The following SYNPR variants were observed in gnomAD, a reference collection of about 807,000 sequenced individuals.
The protein encoded by SYNPR is synaptoporin.
SYNPR carries 23 observed loss-of-function variants against 32.9 expected under a neutral mutation model. That is an observed-to-expected ratio of 0.70 (90% CI 0.50 to 0.99). SYNPR has a LOEUF of 0.99. SYNPR is among the 50% of genes least tolerant of loss of function. The pLI is 0.00. For synonymous variants in SYNPR, 146 were observed against 135.9 expected (o/e 1.07, Z -0.52); for missense variants, 318 against 349.3 (o/e 0.91, Z 0.71).
chr3:63,356,683 A>G (rs888453865), intron 2 of SYNPR, among the ~76,000 whole-genome samples: 7 of 152,098 alleles, frequency 4.6e-5, no homozygotes, highest in Non-Finnish European at 7.4e-5. Context: ...AAATGGTCAC[A>G]CTCACCTTTC....
upstream of SYNPR, among the ~76,000 whole-genome samples, chr3:63,223,744 A>G (rs1459824065): frequency 6.6e-6 from 1 of 152,170 alleles, no homozygotes; most frequent in Non-Finnish European, 1.5e-5. Flanking sequence ...CCCCTCTTCT[A>G]TATTCCCATA....
chr3:63,251,722 C>T (rs925557200), intron 1 of SYNPR, among the ~76,000 whole-genome samples: 19 of 151,914 alleles, frequency 1.3e-4, no homozygotes, highest in African/African-American at 4.6e-4. Flanking sequence ...AATCAGTGAC[C>T]GAGGACCAGA....
intron 1 of SYNPR, among the ~76,000 whole-genome samples, chr3:63,242,882 G>A (rs781193044): frequency 1.8e-4 from 28 of 151,990 alleles, no homozygotes; most frequent in Non-Finnish European, 3.4e-4. Context: ...GTACAGGTTT[G>A]AAAAATGGGA....
intron 2 of SYNPR, among the ~76,000 whole-genome samples, chr3:63,362,174 G>A (rs2087670567): frequency 6.6e-6 from 1 of 152,208 alleles, no homozygotes; most frequent in Admixed American, 6.5e-5. Context: ...TGCTCACTCT[G>A]TGTCTCTGAA....
chr3:63,274,558 C>CAATGAGAGCT (rs760365287), upstream of SYNPR, among the ~76,000 whole-genome samples: 11 of 152,316 alleles, frequency 7.2e-5, no homozygotes, highest in Middle Eastern at 6.8e-3. Flanking sequence ...GCTGATTTAG[C>CAATGAGAGCT]AAATGTTGAG....
intron 2 of SYNPR, among the ~76,000 whole-genome samples, chr3:63,429,578 A>T (rs1000089670): frequency 6.6e-6 from 1 of 152,232 alleles, no homozygotes; most frequent in African/African-American, 2.4e-5. Flanking sequence ...TTGTTTTAAA[A>T]AAGACTGTAA....
At chr3:63,426,527 G>A (rs549771448) in intron 2 of SYNPR, among the ~76,000 whole-genome samples, 76 of 152,304 alleles carry the variant, frequency 5.0e-4, no homozygotes, top group African/African-American at 1.8e-3. Flanking sequence ...GGGGAGGTAT[G>A]CAGGCACGTA....
intron 2 of SYNPR, among the ~76,000 whole-genome samples, chr3:63,408,178 GAAAGAAAGAAAGAAAGAGGAAGGA>G (rs1384688175): frequency 2.6e-5 from 3 of 113,624 alleles, no homozygotes; most frequent in African/African-American, 1.2e-4. Flanking sequence ...AAGAAAGAAA[GAAAGAAAGAAAGAAAGAGGAAGGA>G]AGGAAGGAAG....
intron 2 of SYNPR, among the ~76,000 whole-genome samples, chr3:63,339,965 T>G (rs12488438): frequency 1.3e-5 from 2 of 152,164 alleles, no homozygotes; most frequent in Admixed American, 1.3e-4. Context: ...CCTACCTTTT[T>G]ATAACCACAC....
chr3:63,404,327 T>G, intron 2 of SYNPR, among the ~76,000 whole-genome samples: 1 of 152,164 alleles, frequency 6.6e-6, no homozygotes. Context: ...GAAATTACAG[T>G]GAATAGAATT....
chr3:63,501,942 T>A (rs1469892725), intron 3 of SYNPR, among the ~76,000 whole-genome samples: 1 of 152,196 alleles, frequency 6.6e-6, no homozygotes, highest in Non-Finnish European at 1.5e-5. Context: ...ACGTGGCTGG[T>A]CTGAATGGAG....
chr3:63,464,031 G>C (rs1320732261), intron 2 of SYNPR, among the ~76,000 whole-genome samples: 5 of 152,028 alleles, frequency 3.3e-5, no homozygotes, highest in Non-Finnish European at 7.4e-5. Context: ...TACCACTAAG[G>C]CACTTTCATA....
Position 63,332,853 on chromosome 3 carries a change from CA to C in SYNPR, c.84+54112del, listed in dbSNP as rs531528739. ...AGAGCATGGTTAATCAATGTTGGCA[CA>C]GTTGACATTTTGGGCTGCCTGGTCC... On this transcript the variant is annotated intron_variant, in intron 2 of 5. Transcript: ENST00000478300. Among the ~76,000 whole-genome samples, 52 of 152,222 alleles carry C rather than the reference CA, an allele frequency of 3.4e-4. No homozygotes were observed. The South Asian group carries it at 0.011, about 32-fold the overall frequency.
intron 2 of SYNPR, among the ~76,000 whole-genome samples, chr3:63,322,809 G>C (rs1404902209): frequency 6.6e-6 from 1 of 152,060 alleles, no homozygotes; most frequent in Non-Finnish European, 1.5e-5. Context: ...AAAGGAATTT[G>C]TAAGTTCTTA....
In SYNPR at chr3:63,374,628, A is replaced by G. The variant is rs2087863009; in HGVS notation, c.84+95886A>G. ...ATTTAAATAATCCAAATTCTATTGT[A>G]TGATCAATCACTTTTATATCCCAAG... On this transcript the variant is annotated intron_variant, in intron 2 of 5. Transcript: ENST00000478300. 2.0e-5 allele frequency among the ~76,000 whole-genome samples: 3 copies of G among 152,376 alleles called. No homozygotes were observed. The South Asian group carries it at 6.2e-4, about 32-fold the overall frequency.
At chr3:63,383,638 C>T (rs1220504853) in intron 2 of SYNPR, among the ~76,000 whole-genome samples, 2 of 152,114 alleles carry the variant, frequency 1.3e-5, no homozygotes, top group African/African-American at 4.8e-5. Flanking sequence ...GAGCAAGACT[C>T]TGTCTCCAAA....
intron 2 of SYNPR, among the ~76,000 whole-genome samples, chr3:63,422,011 T>A (rs1262466226): frequency 6.6e-6 from 1 of 152,232 alleles, no homozygotes; most frequent in South Asian, 2.1e-4. Context: ...GTCAACTGAT[T>A]AGGGATATTC....
At chr3:63,423,514 A>C (rs554128811) in intron 2 of SYNPR, 2 of 152,344 alleles carry the variant, frequency 1.3e-5, no homozygotes, top group East Asian at 3.9e-4. Context: ...GGCAAGGTCC[A>C]GTTGGAGGTC....
intron 3 of SYNPR, among the ~76,000 whole-genome samples, chr3:63,521,443 C>G (rs913968001): frequency 2.6e-5 from 4 of 152,182 alleles, no homozygotes; most frequent in Non-Finnish European, 4.4e-5. Flanking sequence ...GAGTACCAGG[C>G]ACTGTTCTAA....
Sources: gnomAD v4.1 joint callset for allele counts (sites outside exome capture counted in the v4.1 genomes callset) on GRCh38, gnomAD v4.1.1 for gene constraint, MANE v1.5 for transcripts, NCBI Gene and HGNC (gene_info 2026-07-23, HGNC 2026-07-21) for gene names.